Variants in DAB2IP observed in about 807,000 individuals in gnomAD.
DAB2IP encodes DAB2 interacting protein.
DAB2IP carries 28 observed loss-of-function variants against 107.2 expected under a neutral mutation model. The ratio of observed to expected loss-of-function variants is 0.26; its 90% CI spans 0.19 to 0.36. The LOEUF (loss-of-function observed/expected upper bound fraction) is 0.36. DAB2IP is among the 10% of genes least tolerant of loss of function. DAB2IP has a pLI of 1.00. For synonymous variants in DAB2IP, 755 were observed against 706.4 expected, an observed-to-expected ratio of 1.07 and a Z score of -1.09; for missense variants, 1,400 against 1,644.7, an observed-to-expected ratio of 0.85 and a Z score of 2.57.
At position 121,782,399 on chromosome 9, in the gene DAB2IP, G is replaced by T. The variant is rs1466323205; in HGVS notation, c.3471G>T (p.Glu1157Asp). 2.5e-6 allele frequency: 4 copies of T among 1,614,000 alleles called. No individual in the cohort carries two copies. The African/African-American group carries it at 4.0e-5, about 16-fold the overall frequency. The change falls in exon 16 of 16, where the codon GAG becomes GAT. Residue 1157 changes from glutamate to aspartate, a missense_variant. Physicochemically the swap from Glu to Asp is conservative, Grantham distance 45. This residue lies in a region of DAB2IP where 600 missense variants were observed against 659.1 expected (regional missense o/e 0.91). Coordinates refer to ENST00000408936, the Ensembl canonical transcript of DAB2IP. This position sits in a 1 kb window ranked among gnomAD's most constrained non-coding sequence, Gnocchi z 6.1. ...TGAGTGCCCTGACCCAGCTGAAAGA[G>T]AGGTACAGCATGCAAGCCCGTAACG...
intron 1 of DAB2IP, chr9:121,598,255 C>T (rs548712724): frequency 6.6e-6 from 1 of 152,416 alleles, no homozygotes; most frequent in African/African-American, 2.4e-5. Context: ...CGTGCAGGCC[C>T]GTCCCCAGCG....
intron 1 of DAB2IP, among the ~76,000 whole-genome samples, chr9:121,591,692 G>A (rs770008168): frequency 6.6e-6 from 1 of 152,216 alleles, no homozygotes; most frequent in African/African-American, 2.4e-5. Flanking sequence ...AGTTCTTAGC[G>A]AAGTCCAGGC....
chr9:121,697,455 T>G (rs2118718799), intron 2 of DAB2IP, among the ~76,000 whole-genome samples: 1 of 152,116 alleles, frequency 6.6e-6, no homozygotes, highest in South Asian at 2.1e-4. Context: ...AGAGGCAGAG[T>G]TTGGGAGAGC....
chr9:121,730,113 T>G (rs1021477623), intron 3 of DAB2IP, among the ~76,000 whole-genome samples: 1 of 152,054 alleles, frequency 6.6e-6, no homozygotes, highest in African/African-American at 2.4e-5. Context: ...CCTCGCTGCC[T>G]CCCAGCCATG....
intron 1 of DAB2IP, among the ~76,000 whole-genome samples, chr9:121,603,189 A>G (rs914430507): frequency 2.7e-5 from 4 of 150,500 alleles, no homozygotes; most frequent in African/African-American, 7.3e-5. Context: ...GCGTCTATCT[A>G]TGTTTTCAAT....
chr9:121,567,119 A>G (rs1378718791), exon 1 of DAB2IP: 6 of 1,601,218 alleles, frequency 3.7e-6, no homozygotes, highest in East Asian at 2.2e-5. Context: ...AAAAGGAGGA[A>G]CCCAGACGCT....
intron 3 of DAB2IP, among the ~76,000 whole-genome samples, chr9:121,724,188 C>T (rs1238071856): frequency 6.6e-6 from 1 of 152,144 alleles, no homozygotes; most frequent in African/African-American, 2.4e-5. Context: ...CCCTTTCAGT[C>T]AGTTCTCTGC....
chr9:121,647,763 A>C (rs1337703522), upstream of DAB2IP, among the ~76,000 whole-genome samples: 1 of 151,688 alleles, frequency 6.6e-6, no homozygotes, highest in Non-Finnish European at 1.5e-5. Context: ...ATATACACAC[A>C]CATATATATA....
chr9:121,763,887 C>T lies in DAB2IP; in HGVS notation c.1460+8C>T, dbSNP rs551225800. 19 of 1,612,968 alleles carry T rather than the reference C, an allele frequency of 1.2e-5. No individual in the cohort carries two copies. Among genetic ancestry groups the T allele is most frequent in the Admixed American group, 1.2e-4 (7 of 59,990 alleles). ...GATCATCAACTCCTACTGGTCAGTG[C>T]GGTGCCCAGGTCTCCCCACCCTGTC... On this transcript the variant is annotated splice_region_variant and intron_variant, in intron 8 of 15. Transcript: ENST00000408936.
chr9:121,719,972 G>A (rs892328476), intron 3 of DAB2IP, among the ~76,000 whole-genome samples: 1 of 152,206 alleles, frequency 6.6e-6, no homozygotes, highest in Non-Finnish European at 1.5e-5. Flanking sequence ...TTCATTGTTA[G>A]GTCCTAGGCA....
chr9:121,709,641 C>G (rs959930549), intron 3 of DAB2IP, among the ~76,000 whole-genome samples: 1 of 152,146 alleles, frequency 6.6e-6, no homozygotes, highest in Non-Finnish European at 1.5e-5. Flanking sequence ...TTCTACATAG[C>G]CTGTGCTCAT....
chr9:121,739,380 T>A (rs1458528787), intron 3 of DAB2IP, among the ~76,000 whole-genome samples: 1 of 152,204 alleles, frequency 6.6e-6, no homozygotes, highest in Non-Finnish European at 1.5e-5. Flanking sequence ...TTCACCTGGG[T>A]AGCAGTTCAG....
rs575141185 is a variant in DAB2IP at position 121,695,138 on chromosome 9, A to G, written c.229-4187A>G. On this transcript the variant is annotated intron_variant, in intron 2 of 15. Transcript: ENST00000408936. ...TCTCAGTGAGGTTGCTTTAGGAAAA[A>G]AAAAAAGTGCTTGTTTAAGAGAGTT... is the stretch of plus-strand genomic sequence containing the variant. Among the ~76,000 whole-genome samples the G allele has an allele frequency of 5.9e-5, 9 of 152,176 alleles. No individual in the cohort carries two copies. In the South Asian group the frequency reaches 1.7e-3, roughly 28 times the overall value.
chr9:121,768,841 C>G (rs1834488176), intron 10 of DAB2IP, among the ~76,000 whole-genome samples: 1 of 152,224 alleles, frequency 6.6e-6, no homozygotes, highest in African/African-American at 2.4e-5. Flanking sequence ...CAAGGCTGCC[C>G]CACTCTGGGT....
intron 3 of DAB2IP, among the ~76,000 whole-genome samples, chr9:121,723,129 A>G (rs555014089): frequency 2.7e-4 from 41 of 152,286 alleles, no homozygotes; most frequent in African/African-American, 8.2e-4. Flanking sequence ...TCCCATAGCT[A>G]TGGTGCTGGG....
At chr9:121,726,669 C>T (rs764192055) in intron 3 of DAB2IP, among the ~76,000 whole-genome samples, 2 of 152,172 alleles carry the variant, frequency 1.3e-5, no homozygotes, top group Admixed American at 6.5e-5. Flanking sequence ...CCCAACTAAT[C>T]GCCTGCTTGG....
At position 121,699,572 on chromosome 9, in the gene DAB2IP, ACCC is replaced by A; in HGVS notation, c.362+116_362+118del. On this transcript the variant is annotated intron_variant, in intron 3 of 15. Transcript: ENST00000408936. The surrounding 1 kb of genome is among the most constrained non-coding windows in gnomAD (Gnocchi z 6.2). ...GGGCGAGCCACACGGCGGTGGGGGG[ACCC>A]CACGCCGCCCGCCGGGAACTTATGG... 1.0e-6 allele frequency: 1 copy of A among 966,410 alleles called. No individual in the cohort carries two copies. Among genetic ancestry groups the A allele is most frequent in the Non-Finnish European group, 1.3e-6 (1 of 777,512 alleles). 59.9% of individuals were successfully genotyped at this position (966,410 alleles called of 1,614,324 possible).
At chr9:121,762,977 T>G (rs1834000269) in intron 6 of DAB2IP, among the ~76,000 whole-genome samples, 1 of 152,184 alleles carries the variant, frequency 6.6e-6, no homozygotes, top group South Asian at 2.1e-4. Flanking sequence ...CTCACCTGCC[T>G]GAGCATGGTG....
At chr9:121,690,846 G>A (rs1243347621) in intron 2 of DAB2IP, among the ~76,000 whole-genome samples, 1 of 152,184 alleles carries the variant, frequency 6.6e-6, no homozygotes, top group Non-Finnish European at 1.5e-5. Flanking sequence ...TGTATAACTT[G>A]GAGGCTGGAG....
Sources: gnomAD v4.1 joint callset for allele counts (sites outside exome capture counted in the v4.1 genomes callset) on GRCh38, gnomAD v4.1.1 for gene constraint, gnomAD v4.1.1 regional missense constraint, Gnocchi (gnomAD v3.1) non-coding constraint, MANE v1.5 for transcripts, NCBI Gene and HGNC (gene_info 2026-07-23, HGNC 2026-07-21) for gene names.